PTPRG: variants seen among roughly 807,000 people sequenced by gnomAD.
PTPRG encodes the protein protein tyrosine phosphatase receptor type G.
In PTPRG, 102 loss-of-function variants were observed where a neutral mutation model predicts 165.3. That is an observed-to-expected ratio of 0.62 (90% confidence interval 0.53 to 0.73). The LOEUF (loss-of-function observed/expected upper bound fraction) is 0.73, where lower values mean the gene tolerates loss of function less well. PTPRG is among the 30% of genes least tolerant of loss of function. PTPRG has a pLI of 0.00. For missense variants in PTPRG, 1,866 were observed against 1,861.4 expected, an observed-to-expected ratio of 1.00 and a Z score of -0.05; for synonymous variants, 675 against 669.5, an observed-to-expected ratio of 1.01 and a Z score of -0.13.
intron 6 of PTPRG, among the ~76,000 whole-genome samples, chr3:62,141,611 GACATGTGGCTGGCCGC>G (rs1296650223): frequency 6.6e-6 from 1 of 151,708 alleles, no homozygotes; most frequent in Non-Finnish European, 1.5e-5. Context: ...CAAAAAAGAA[GACATGTGGCTGGCCGC>G]AGTGGCTCAC....
intron 4 of PTPRG, among the ~76,000 whole-genome samples, chr3:62,062,901 G>A (rs573056729): frequency 2.8e-4 from 42 of 152,008 alleles, no homozygotes; most frequent in Non-Finnish European, 5.2e-4. Context: ...CTATCTGCCC[G>A]TCTCAGCCTC....
chr3:61,886,541 G>T (rs1245919856), intron 2 of PTPRG, among the ~76,000 whole-genome samples: 1 of 152,136 alleles, frequency 6.6e-6, no homozygotes, highest in African/African-American at 2.4e-5. Context: ...AACTTGTCCT[G>T]TATGCCTTCC....
chr3:61,756,783 A>C lies in PTPRG; in HGVS notation c.190+7801A>C, dbSNP rs189152510. On this transcript the variant is annotated intron_variant, in intron 2 of 29. Transcript: ENST00000474889. Reference sequence around the variant, plus strand: ...GTGCTGTGTTGTTATCAAGTGGTACATATCAGTGGTAACAAGATTTCAATT... The same window carrying C: ...GTGCTGTGTTGTTATCAAGTGGTACCTATCAGTGGTAACAAGATTTCAATT... 2.6e-5 allele frequency among the ~76,000 whole-genome samples: 4 copies of C among 152,336 alleles called. No individual in the cohort carries two copies. The East Asian group carries it at 5.8e-4, about 22-fold the overall frequency.
chr3:61,749,042 T>G lies in PTPRG; in HGVS notation c.190+60T>G, dbSNP rs771764272. On this transcript the variant is annotated intron_variant, in intron 2 of 29. Coordinates refer to ENST00000474889, the MANE Select transcript of PTPRG (RefSeq NM_002841.4). Reference sequence around the variant, plus strand: ...CCAGTTAACATCCCATTCAACTCACTTGAAAGCACACTTTGAATCACTTTT... The same window carrying G: ...CCAGTTAACATCCCATTCAACTCACGTGAAAGCACACTTTGAATCACTTTT... 6.8e-6 allele frequency: 9 copies of G among 1,317,446 alleles called. No individual in the cohort carries two copies. The Admixed American group carries it at 1.6e-4, about 23-fold the overall frequency. The allele number at this position is 1,317,446 out of a possible 1,614,324, so 81.6% of individuals were successfully genotyped here. A position where few individuals can be genotyped will look rare whatever the true frequency, so the allele number is the denominator to read the frequency against.
At chr3:62,013,326 G>C (rs900093864) in intron 4 of PTPRG, among the ~76,000 whole-genome samples, 1 of 152,038 alleles carries the variant, frequency 6.6e-6, no homozygotes, top group Non-Finnish European at 1.5e-5. Context: ...CACAATAATG[G>C]AATTTTGATA....
chr3:62,027,227 TGGA>T (rs1457731328), intron 4 of PTPRG, among the ~76,000 whole-genome samples: 1 of 152,194 alleles, frequency 6.6e-6, no homozygotes, highest in Admixed American at 6.5e-5. Context: ...ACTGATAGTG[TGGA>T]GAAGACCTAA....
chr3:62,097,096 A>G (rs1263707591), intron 5 of PTPRG, among the ~76,000 whole-genome samples: 2 of 142,582 alleles, frequency 1.4e-5, no homozygotes, highest in Non-Finnish European at 3.2e-5. Flanking sequence ...AGCCATTACT[A>G]TTATCACGCG....
chr3:61,673,781 G>A (rs1703116026), intron 1 of PTPRG, among the ~76,000 whole-genome samples: 1 of 152,152 alleles, frequency 6.6e-6, no homozygotes, highest in Non-Finnish European at 1.5e-5. Flanking sequence ...CACTTGACTG[G>A]ATTGGGAGGA....
intron 8 of PTPRG, among the ~76,000 whole-genome samples, chr3:62,173,609 A>G (rs113155743): frequency 0.012 from 1,755 of 152,284 alleles, 15 homozygotes; most frequent in Middle Eastern, 0.037. Flanking sequence ...TTTCCATTCC[A>G]CTGAAAGACC....
intron 2 of PTPRG, among the ~76,000 whole-genome samples, chr3:61,934,987 A>G (rs529588020): frequency 1.2e-4 from 19 of 152,214 alleles, no homozygotes; most frequent in African/African-American, 4.1e-4. Context: ...TTGAGTGCGG[A>G]GTTCCCAACA....
intron 1 of PTPRG, among the ~76,000 whole-genome samples, chr3:61,725,034 T>G (rs957517444): frequency 6.6e-6 from 1 of 152,212 alleles, no homozygotes; most frequent in African/African-American, 2.4e-5. Flanking sequence ...TTGTCATATC[T>G]GAAAACTCTT....
chr3:62,018,045 C>G (rs1179773319), intron 4 of PTPRG, among the ~76,000 whole-genome samples: 1 of 152,188 alleles, frequency 6.6e-6, no homozygotes, highest in Non-Finnish European at 1.5e-5. Flanking sequence ...GATTCCTTTC[C>G]TTGGTCCAGT....
intron 7 of PTPRG, among the ~76,000 whole-genome samples, chr3:62,161,313 A>G (rs1559585852): frequency 6.6e-6 from 1 of 152,220 alleles, no homozygotes; most frequent in Non-Finnish European, 1.5e-5. Context: ...AAATCACATC[A>G]TTTAAAATGT....
At position 61,562,141 on chromosome 3, in the gene PTPRG, A is replaced by T; in HGVS notation, c.-147A>T. 1 of 640,774 alleles carries T rather than the reference A, an allele frequency of 1.6e-6. No homozygotes were observed. The highest frequency in any genetic ancestry group is 2.7e-6 in the Non-Finnish European group (1 of 368,004). The allele number at this position is 640,774 out of a possible 1,614,324, so 39.7% of individuals were successfully genotyped here. On this transcript the variant is annotated 5_prime_UTR_variant, in exon 1 of 30. It adds an upstream start codon to the 5' untranslated region. Coordinates refer to ENST00000474889, the MANE Select transcript of PTPRG (RefSeq NM_002841.4). ...GCGCTCGGCGGCTTCCCGGATTCCA[A>T]GGGGACTCGGGCCGCCGAGCGCGGG...
chr3:61,684,329 A>T (rs1703550727), intron 1 of PTPRG, among the ~76,000 whole-genome samples: 1 of 152,132 alleles, frequency 6.6e-6, no homozygotes, highest in African/African-American at 2.4e-5. Flanking sequence ...GTGTGCCTGT[A>T]TGTGGCTCAT....
intron 1 of PTPRG, among the ~76,000 whole-genome samples, chr3:61,608,213 A>G (rs1393118682): frequency 6.6e-6 from 1 of 152,046 alleles, no homozygotes; most frequent in Admixed American, 6.6e-5. Context: ...TTTTGTACAG[A>G]TATCTGTCCT....
At chr3:62,086,220 A>G (rs1036420859) in intron 5 of PTPRG, among the ~76,000 whole-genome samples, 6 of 151,942 alleles carry the variant, frequency 3.9e-5, no homozygotes, top group African/African-American at 1.5e-4. Context: ...TAACTATCCC[A>G]AAAGAGTCTT....
At chr3:62,135,297 T>TA (rs1703666560) in intron 6 of PTPRG, among the ~76,000 whole-genome samples, 1 of 148,290 alleles carries the variant, frequency 6.7e-6, no homozygotes, top group Non-Finnish European at 1.5e-5. Context: ...GAAATAAAAA[T>TA]AAAAAAGCTT....
At chr3:61,695,908 TACA>T (rs2030559380) in intron 1 of PTPRG, among the ~76,000 whole-genome samples, 1 of 152,190 alleles carries the variant, frequency 6.6e-6, no homozygotes, top group Non-Finnish European at 1.5e-5. Context: ...TGTTAATAAA[TACA>T]TCCCTAGTTC....
Sources: allele counts gnomAD v4.1 joint callset (sites outside exome capture counted in the v4.1 genomes callset), GRCh38; gene constraint gnomAD v4.1.1; transcripts MANE v1.5; gene names NCBI Gene and HGNC (gene_info 2026-07-23, HGNC 2026-07-21).